The following COP1 variants were observed in gnomAD, a reference collection of about 807,000 sequenced individuals.
The protein encoded by COP1 is COP1 E3 ubiquitin ligase, also known as E3 ubiquitin-protein ligase COP1.
Under a neutral mutation model 101.3 loss-of-function variants are expected in COP1, and 24 were observed. The ratio of observed to expected loss-of-function variants is 0.24; its 90% CI spans 0.17 to 0.33. The LOEUF (loss-of-function observed/expected upper bound fraction) is 0.33. COP1 is among the 10% of genes least tolerant of loss of function. The probability of loss-of-function intolerance (pLI) is 1.00; values close to 1 mark genes in which losing one functional copy is unlikely to be tolerated. For missense variants in COP1, 663 were observed against 906.2 expected (o/e 0.73, Z 3.45); for synonymous variants, 347 against 341.9 (o/e 1.01, Z -0.17).
chr1:175,947,696 A>G (rs1649363434), intron 18 of COP1, among the ~76,000 whole-genome samples: 1 of 152,116 alleles, frequency 6.6e-6, no homozygotes. Context: ...CATGTTTTTA[A>G]CTGTATTTTA....
chr1:176,049,939 T>C (rs1213875750), intron 11 of COP1, among the ~76,000 whole-genome samples: 1 of 152,214 alleles, frequency 6.6e-6, no homozygotes, highest in Non-Finnish European at 1.5e-5. Context: ...AACTGAAATG[T>C]TGCTTATGCA....
intron 3 of COP1, among the ~76,000 whole-genome samples, chr1:176,166,502 G>T (rs1695176944): frequency 1.3e-5 from 2 of 152,126 alleles, no homozygotes; most frequent in South Asian, 4.1e-4. Context: ...AAAATAAAGT[G>T]TAAACAAACA....
intron 9 of COP1, among the ~76,000 whole-genome samples, chr1:176,103,803 A>G (rs1017941236): frequency 9.2e-5 from 14 of 152,208 alleles, no homozygotes; most frequent in Non-Finnish European, 1.8e-4. Flanking sequence ...TATGAAAAAT[A>G]TAGGCAAAAC....
At chr1:175,993,318 A>G (rs1659160000) in intron 15 of COP1, among the ~76,000 whole-genome samples, 1 of 152,188 alleles carries the variant, frequency 6.6e-6, no homozygotes, top group African/African-American at 2.4e-5. Context: ...AAAACTGGAA[A>G]CTCTAAAAAG....
intron 6 of COP1, among the ~76,000 whole-genome samples, chr1:176,141,889 C>G (rs1690747033): frequency 6.6e-6 from 1 of 152,002 alleles, no homozygotes; most frequent in South Asian, 2.1e-4. Context: ...CGCCCCTATG[C>G]TCCACGAATT....
intron 19 of COP1, among the ~76,000 whole-genome samples, chr1:175,946,104 A>C (rs1359290891): frequency 6.6e-6 from 1 of 152,150 alleles, no homozygotes; most frequent in East Asian, 1.9e-4. Context: ...AGTAAGAGAG[A>C]GACTGAGAGA....
At chr1:176,062,174 T>G (rs909714733) in intron 11 of COP1, among the ~76,000 whole-genome samples, 18 of 152,198 alleles carry the variant, frequency 1.2e-4, no homozygotes, top group African/African-American at 2.6e-4. Flanking sequence ...ATAATTTTTT[T>G]TGTGTTTTTA....
At chr1:175,969,134 T>C (rs1652731275) in intron 18 of COP1, among the ~76,000 whole-genome samples, 3 of 152,204 alleles carry the variant, frequency 2.0e-5, no homozygotes, top group Admixed American at 2.0e-4. Context: ...GAAAAAGCAA[T>C]ACATTCAAGG....
chr1:176,165,891 T>C (rs1695065450), intron 3 of COP1, among the ~76,000 whole-genome samples: 1 of 152,064 alleles, frequency 6.6e-6, no homozygotes, highest in African/African-American at 2.4e-5. Context: ...GAGCATGAAA[T>C]AATTCAGTGG....
intron 7 of COP1, among the ~76,000 whole-genome samples, chr1:176,135,878 C>G (rs1395314241): frequency 2.0e-5 from 3 of 151,932 alleles, no homozygotes; most frequent in Non-Finnish European, 4.4e-5. Context: ...TACTGAACAT[C>G]CACTAAATAT....
Position 175,988,519 on chromosome 1 carries a change from G to A in COP1, c.1848-107C>T, listed in dbSNP as rs1657645672. The A allele has an allele frequency of 6.5e-6, 7 of 1,083,838 alleles. No individual in the cohort carries two copies. In the East Asian group the frequency reaches 1.7e-4, roughly 27 times the overall value. 67.1% of individuals were successfully genotyped at this position (1,083,838 alleles called of 1,614,324 possible). ...TTTGCTGGTTAAGAATGCAGGCTCT[G>A]GAGCCAGACTGAGTTAGCACGTTCA... is the stretch of plus-strand genomic sequence containing the variant. On this transcript the variant is annotated intron_variant, in intron 16 of 19. Transcript: ENST00000367669.
chr1:176,201,414 T>C (rs1332671109), intron 1 of COP1, among the ~76,000 whole-genome samples: 1 of 152,058 alleles, frequency 6.6e-6, no homozygotes, highest in Admixed American at 6.6e-5. Context: ...AGAAAAAACA[T>C]ACACATACAA....
At chr1:176,076,736 G>GA (rs1029837894) in intron 11 of COP1, among the ~76,000 whole-genome samples, 18 of 148,972 alleles carry the variant, frequency 1.2e-4, no homozygotes, top group South Asian at 2.1e-4. Context: ...GATTAACAAA[G>GA]AAAAAAAAAG....
At chr1:175,954,483 A>G (rs769837807) in intron 18 of COP1, among the ~76,000 whole-genome samples, 5 of 152,130 alleles carry the variant, frequency 3.3e-5, no homozygotes, top group African/African-American at 4.8e-5. Flanking sequence ...TAATTCATTG[A>G]AAAAAATCAA....
chr1:176,018,201 T>A lies in COP1; in HGVS notation c.1729+9371A>T, dbSNP rs996144961. Among the ~76,000 whole-genome samples the A allele has an allele frequency of 2.0e-5, 3 of 152,326 alleles. No homozygotes were observed. The East Asian group carries it at 5.8e-4, about 29-fold the overall frequency. On this transcript the variant is annotated intron_variant, in intron 15 of 19. Transcript: ENST00000367669. ...CTCTCCAACCCTTACCAATCCACAA[T>A]AGATATACAAGCAATTGTGATATTC... is the stretch of plus-strand genomic sequence containing the variant.
At chr1:175,978,220 T>C (rs1164646679) in intron 18 of COP1, among the ~76,000 whole-genome samples, 1 of 152,164 alleles carries the variant, frequency 6.6e-6, no homozygotes, top group Non-Finnish European at 1.5e-5. Context: ...CAGAACACTC[T>C]TTTTAAAAAA....
intron 11 of COP1, among the ~76,000 whole-genome samples, chr1:176,078,218 G>A (rs1003904037): frequency 1.6e-4 from 24 of 152,076 alleles, no homozygotes; most frequent in African/African-American, 5.3e-4. Context: ...CATACCTGGA[G>A]GCATCACACT....
intron 10 of COP1, among the ~76,000 whole-genome samples, chr1:176,083,559 T>G (rs1255133903): frequency 6.6e-6 from 1 of 152,204 alleles, no homozygotes; most frequent in Non-Finnish European, 1.5e-5. Flanking sequence ...CCTATCCTAA[T>G]TACAAATTGG....
At chr1:175,953,914 T>C (rs895552580) in intron 18 of COP1, among the ~76,000 whole-genome samples, 3 of 152,078 alleles carry the variant, frequency 2.0e-5, no homozygotes, top group African/African-American at 7.2e-5. Flanking sequence ...TCAATAACCA[T>C]ATAAAAGACT....
Sources: gnomAD v4.1 joint callset for allele counts (sites outside exome capture counted in the v4.1 genomes callset) on GRCh38, gnomAD v4.1.1 for gene constraint, MANE v1.5 for transcripts, NCBI Gene and HGNC (gene_info 2026-07-23, HGNC 2026-07-21) for gene names.